Variants in SCN7A observed in about 807,000 individuals in gnomAD.
SCN7A encodes the protein sodium voltage-gated channel alpha subunit 7.
SCN7A carries 138 observed loss-of-function variants against 155.2 expected under a neutral mutation model. The ratio of observed to expected loss-of-function variants is 0.89; its 90% CI spans 0.77 to 1.02. The LOEUF (loss-of-function observed/expected upper bound fraction) is 1.02, where lower values mean the gene tolerates loss of function less well. Ranked by LOEUF, SCN7A falls within the 50% of genes least tolerant of loss-of-function variation. The probability of loss-of-function intolerance (pLI) is 0.00; values close to 1 mark genes in which losing one functional copy is unlikely to be tolerated. For missense variants in SCN7A, 2,058 were observed against 1,986.6 expected (o/e 1.04, Z -0.68); for synonymous variants, 693 against 649.0 (o/e 1.07, Z -1.03).
chr2:166,454,636 T>C (rs924904227), intron 11 of SCN7A, among the ~76,000 whole-genome samples: 10 of 152,198 alleles, frequency 6.6e-5, no homozygotes, highest in African/African-American at 2.4e-4. Context: ...TCCCCTTGTC[T>C]TTTTATCTCT....
chr2:166,423,352 G>A lies in SCN7A; in HGVS notation c.2934C>T (p.Ile978=). 1 of 1,611,922 alleles carries A rather than the reference G, an allele frequency of 6.2e-7. No homozygotes were observed. The highest frequency in any genetic ancestry group is 8.5e-7 in the Non-Finnish European group (1 of 1,178,914). Residue 978 remains isoleucine (I), a synonymous_variant, in exon 19 of 26, where the codon ATC becomes ATT. Transcript: ENST00000643258. ...LEYADMIFTY[I]FILEMLLKWM... ...ATTTTAGAAGCATTTCCAGAATGAAGATATAAGTAAAGATCATGTCAGCAT... is the reference window on the plus strand; with the variant it reads ...ATTTTAGAAGCATTTCCAGAATGAAAATATAAGTAAAGATCATGTCAGCAT...
intron 4 of SCN7A, 122 bp downstream of exon 4, chr2:166,474,104 A>G (rs907525259): frequency 1.1e-5 from 6 of 548,650 alleles, no homozygotes; most frequent in Middle Eastern, 4.9e-4. Flanking sequence ...CTAGATTTCA[A>G]TATGACCCAA....
intron 7 of SCN7A, 57 bp from the exon 8 acceptor site, chr2:166,466,044 G>A: frequency 1.6e-6 from 2 of 1,263,200 alleles, no homozygotes; most frequent in South Asian, 2.6e-5. Context: ...AAGCACTATT[G>A]GCAAACCTCT....
Position 166,427,801 on chromosome 2 carries a change from C to A in SCN7A, c.2840G>T (p.Ser947Ile), listed in dbSNP as rs1480039111. ...CTGCCCACTTACCAGAGTGCCAGTG[C>A]TGAGCAGAGTAACAAGCCCAATAAA... is the stretch of plus-strand genomic sequence containing the variant. ...KCFIGLVTLL[S>I]TGTLAFEDIY... The change falls in exon 18 of 26, where the codon AGC (serine) becomes ATC (isoleucine). Residue 947 changes from serine (S) to isoleucine (I), a missense_variant. Coordinates refer to ENST00000643258, the MANE Select transcript of SCN7A (RefSeq NM_002976.4). 6.2e-7 allele frequency: 1 copy of A among 1,610,624 alleles called. No individual in the cohort carries two copies. The highest frequency in any genetic ancestry group is 8.5e-7 in the Non-Finnish European group (1 of 1,178,266).
At position 166,444,747 on chromosome 2, in the gene SCN7A, C is replaced by T; in HGVS notation, c.1626+15G>A. Reference sequence around the variant, plus strand: ...AGAAACTGCAAATGAAAATAATGTACAATGAGAGTCTTACCAGGTTTCCAA... The same window carrying T: ...AGAAACTGCAAATGAAAATAATGTATAATGAGAGTCTTACCAGGTTTCCAA... On this transcript the variant is annotated intron_variant, in intron 13 of 25. Transcript: ENST00000643258. 1.5e-6 allele frequency: 2 copies of T among 1,370,350 alleles called. No individual in the cohort carries two copies. Among genetic ancestry groups the T allele is most frequent in the Non-Finnish European group, 2.0e-6 (2 of 981,286 alleles). The allele number at this position is 1,370,350 out of a possible 1,614,324, so 84.9% of individuals were successfully genotyped here.
Position 166,441,288 on chromosome 2 carries a change from T to C in SCN7A, c.2157+108A>G, listed in dbSNP as rs79622361. Reference sequence around the variant, plus strand: ...ACATCTGGCTAGTGGGTTACTCTATTGGACTACCACAGTTACAGACCATTA... The same window carrying C: ...ACATCTGGCTAGTGGGTTACTCTATCGGACTACCACAGTTACAGACCATTA... On this transcript the variant is annotated intron_variant, in intron 15 of 25. Coordinates refer to ENST00000643258, the MANE Select transcript of SCN7A (RefSeq NM_002976.4). 1.1e-3 allele frequency: 787 copies of C among 732,800 alleles called. 8 individuals carry two copies. The African/African-American group carries it at 0.012, about 11-fold the overall frequency. The allele number at this position is 732,800 out of a possible 1,614,324, so 45.4% of individuals were successfully genotyped here.
intron 12 of SCN7A, among the ~76,000 whole-genome samples, chr2:166,446,571 G>A (rs541850195): frequency 9.7e-4 from 148 of 152,220 alleles, no homozygotes; most frequent in Non-Finnish European, 1.5e-3. Flanking sequence ...ACATGCACAC[G>A]TATGTTCATT....
At chr2:166,472,189 T>C (rs939354742) in intron 6 of SCN7A, 128 bp downstream of exon 6, 1 of 852,206 alleles carries the variant, frequency 1.2e-6, no homozygotes, top group Non-Finnish European at 1.7e-6. Context: ...ACTATGACCA[T>C]AACTTTGAAG....
chr2:166,491,287 G>A (rs1042107672), intron 1 of SCN7A, among the ~76,000 whole-genome samples: 9 of 152,076 alleles, frequency 5.9e-5, no homozygotes, highest in African/African-American at 2.2e-4. Flanking sequence ...GCTCTTTGAT[G>A]TCTAGGCAGT....
rs115853846 is a variant in SCN7A, at chr2:166,490,270, C to T, written c.-127-3302G>A. The stretch of plus-strand genomic sequence containing the variant: ...TCCTTTCCCCATTCACCCCCTCATC[C>T]CCAGCCTCTGGAAAGTACCATTCTA... On this transcript the variant is annotated intron_variant, in intron 1 of 25. Transcript: ENST00000643258. Among the ~76,000 whole-genome samples, 1,306 of 152,194 alleles carry T rather than the reference C, an allele frequency of 8.6e-3. 8 individuals are homozygous for T. Among genetic ancestry groups the T allele is most frequent in the Non-Finnish European group, 0.014 (965 of 68,002 alleles).
Position 166,416,801 on chromosome 2 carries a change from C to T in SCN7A, c.3320G>A (p.Cys1107Tyr). Reference protein sequence around the residue: ...PSSEVMNKSRCESLLFNESML... With the variant: ...PSSEVMNKSRYESLLFNESML... Reference sequence around the variant, plus strand: ...GGATTCGTTAAACAGAAGGCTTTCACACCGACTCTTATTCATGACTTCAGA... The same window carrying T: ...GGATTCGTTAAACAGAAGGCTTTCATACCGACTCTTATTCATGACTTCAGA... The change falls in exon 21 of 26, where the codon TGT (cysteine) becomes TAT (tyrosine). Residue 1107 changes from cysteine to tyrosine, a missense_variant. By Grantham distance (194) the Cys-to-Tyr change is radical. Transcript: ENST00000643258. 1 of 1,613,610 alleles carries T rather than the reference C, an allele frequency of 6.2e-7. No individual in the cohort carries two copies. Among genetic ancestry groups the T allele is most frequent in the Non-Finnish European group, 8.5e-7 (1 of 1,179,742 alleles).
intron 18 of SCN7A, among the ~76,000 whole-genome samples, chr2:166,425,957 G>A (rs540478388): frequency 6.6e-6 from 1 of 151,934 alleles, no homozygotes; most frequent in Non-Finnish European, 1.5e-5. Context: ...GTTGACATGG[G>A]GGTCACAGTT....
At chr2:166,491,985 T>C (rs1364340418) in intron 1 of SCN7A, among the ~76,000 whole-genome samples, 3 of 152,062 alleles carry the variant, frequency 2.0e-5, no homozygotes, top group African/African-American at 4.8e-5. Flanking sequence ...GGAGTGCAGA[T>C]TTCCCAATCC....
At chr2:166,480,216 G>T (rs1392437762) in intron 2 of SCN7A, among the ~76,000 whole-genome samples, 3 of 152,126 alleles carry the variant, frequency 2.0e-5, no homozygotes, top group African/African-American at 7.2e-5. Flanking sequence ...CCAGCACTTT[G>T]GGAGGCTGAG....
chr2:166,439,541 T>G (rs1253670352), intron 15 of SCN7A, among the ~76,000 whole-genome samples: 1 of 152,192 alleles, frequency 6.6e-6, no homozygotes, highest in African/African-American at 2.4e-5. Context: ...ATGATCCCAT[T>G]TAATCATTTG....
intron 15 of SCN7A, among the ~76,000 whole-genome samples, chr2:166,433,555 C>T (rs34054879): frequency 0.015 from 2,333 of 152,160 alleles, 27 homozygotes; most frequent in Middle Eastern, 0.051. Flanking sequence ...AAATATCAAA[C>T]GATCAAAGGT....
intron 15 of SCN7A, among the ~76,000 whole-genome samples, chr2:166,433,238 T>G (rs1160739464): frequency 2.6e-5 from 4 of 152,158 alleles, no homozygotes; most frequent in Non-Finnish European, 5.9e-5. Flanking sequence ...AGTAATGCAT[T>G]TGTTAATTAG....
chr2:166,422,748 GTGACATGAGC>G (rs1174925343), intron 19 of SCN7A, among the ~76,000 whole-genome samples: 2 of 152,142 alleles, frequency 1.3e-5, no homozygotes, highest in Non-Finnish European at 2.9e-5. Flanking sequence ...TTCAAGAGAA[GTGACATGAGC>G]TGACTTCCAT....
chr2:166,487,684 G>A (rs1403669997), intron 1 of SCN7A, among the ~76,000 whole-genome samples: 2 of 152,122 alleles, frequency 1.3e-5, no homozygotes, highest in Admixed American at 6.6e-5. Context: ...ATTGTCGAAT[G>A]TTCTATTCTA....
Sources: allele counts gnomAD v4.1 joint callset (sites outside exome capture counted in the v4.1 genomes callset), GRCh38; gene constraint gnomAD v4.1.1; transcripts MANE v1.5; gene names NCBI Gene and HGNC (gene_info 2026-07-23, HGNC 2026-07-21).